Variants in AHCY observed in about 807,000 individuals in gnomAD.
AHCY encodes S-adenosyl-L-homocysteine hydrolase.
A neutral mutation model predicts 45.4 loss-of-function variants in AHCY; 24 were observed. That is an observed-to-expected ratio of 0.53 (90% CI 0.38 to 0.74). The LOEUF (loss-of-function observed/expected upper bound fraction) is 0.74. Among genes scored for constraint, AHCY ranks in the 30% least tolerant of loss-of-function variants. The pLI is 0.00. For missense variants in AHCY, 449 were observed against 594.1 expected (o/e 0.76, Z 2.54); for synonymous variants, 245 against 235.1 (o/e 1.04, Z -0.39).
chr20:34,297,394 T>G (rs1601676158), intron 1 of AHCY, among the ~76,000 whole-genome samples: 1 of 151,942 alleles, frequency 6.6e-6, no homozygotes, highest in Non-Finnish European at 1.5e-5. Context: ...CAGGTCCCGG[T>G]TCAAGCAATT....
chr20:34,269,245 G>A, the AHCY span: 24 of 1,421,866 alleles, frequency 1.7e-5, no homozygotes, highest in South Asian at 3.2e-4. Context: ...CCCTAACAGG[G>A]CGGCTTCCCA....
At chr20:34,304,880 G>A (rs532384272), upstream of AHCY, among the ~76,000 whole-genome samples, 2 of 151,840 alleles carry the variant, frequency 1.3e-5, no homozygotes, top group African/African-American at 4.8e-5. Flanking sequence ...TAGAGACGGG[G>A]TTTCTCCATA....
At position 34,295,660 on chromosome 20, in the gene AHCY, C is replaced by A; in HGVS notation, c.29-75G>T. The A allele has an allele frequency of 3.4e-6, 5 of 1,478,808 alleles. No homozygotes were observed. In the Admixed American group the frequency reaches 7.5e-5, roughly 22 times the overall value. The allele number at this position is 1,478,808 out of a possible 1,614,324, so 91.6% of individuals were successfully genotyped here. ...CCAAGAGGGGCGGTCACTGCATGGA[C>A]CCCGATCCACGTGTGGACTCAACAC... On this transcript the variant is annotated intron_variant, in intron 1 of 9. Transcript: ENST00000217426.
chr20:34,265,993 A>G, the AHCY span, among the ~76,000 whole-genome samples: 38,464 of 151,880 alleles, frequency 0.25, 8,102 homozygotes, highest in African/African-American at 0.58. Flanking sequence ...CATTGTTAGT[A>G]AATTCTGGGT....
downstream of AHCY, among the ~76,000 whole-genome samples, chr20:34,279,614 G>A (rs149960148): frequency 0.011 from 1,663 of 152,156 alleles, 13 homozygotes; most frequent in Non-Finnish European, 0.018. Flanking sequence ...ACATACACAC[G>A]TAACTTATGC....
chr20:34,240,904 T>G, the AHCY span, among the ~76,000 whole-genome samples: 1 of 152,150 alleles, frequency 6.6e-6, no homozygotes, highest in Non-Finnish European at 1.5e-5. Flanking sequence ...ACAAGACTTC[T>G]GGCAACCAGA....
At chr20:34,303,487 C>T (rs2036853035), upstream of AHCY, 6 of 721,300 alleles carry the variant, frequency 8.3e-6, no homozygotes, top group Admixed American at 7.8e-5. Context: ...CTCAGAATTT[C>T]ACAAGGCGTG....
rs1437574009 is a variant in AHCY at position 34,280,343 on chromosome 20, GA to G, written c.*690del. 6.6e-6 allele frequency: 1 copy of G among 152,122 alleles called. No individual in the cohort carries two copies. Among genetic ancestry groups the G allele is most frequent in the Non-Finnish European group, 1.5e-5 (1 of 68,144 alleles). 9.4% of individuals were successfully genotyped at this position (152,122 alleles called of 1,614,324 possible). On this transcript the variant is annotated 3_prime_UTR_variant, in exon 10 of 10. Coordinates refer to ENST00000217426, the MANE Select transcript of AHCY (RefSeq NM_000687.4). ...TTATAGGCCAAATTATTCTCTTTTTGACCCAGGGTTGTGAAAGGAACCATCT... is the reference window on the plus strand; with the variant it reads ...TTATAGGCCAAATTATTCTCTTTTTGCCCAGGGTTGTGAAAGGAACCATCT...
chr20:34,256,101 T>C, the AHCY span, among the ~76,000 whole-genome samples: 5 of 152,238 alleles, frequency 3.3e-5, no homozygotes, highest in Non-Finnish European at 5.9e-5. Context: ...TTAGTAAAAG[T>C]ACTAAAGTCT....
chr20:34,288,600 G>A lies in AHCY; in HGVS notation c.972+1732C>T, dbSNP rs148385378. Among the ~76,000 whole-genome samples the A allele has an allele frequency of 6.2e-3, 938 of 152,196 alleles. 6 individuals carry two copies. Among genetic ancestry groups the A allele is most frequent in the Middle Eastern group, 0.02 (6 of 294 alleles). On this transcript the variant is annotated intron_variant, in intron 8 of 9. Coordinates refer to ENST00000217426, the MANE Select transcript of AHCY (RefSeq NM_000687.4). ...GAGGATCAGCTCCTTCAGCCCAGGA[G>A]GTCAAGGCTGCAGTGTGCCATGATC... is the stretch of plus-strand genomic sequence containing the variant.
the AHCY span, among the ~76,000 whole-genome samples, chr20:34,234,658 C>T: frequency 2.6e-5 from 4 of 151,924 alleles, no homozygotes; most frequent in East Asian, 1.9e-4. Context: ...AAAAATTCGC[C>T]GGGCGTGGTG....
chr20:34,243,003 A>G, the AHCY span, among the ~76,000 whole-genome samples: 1 of 152,254 alleles, frequency 6.6e-6, no homozygotes, highest in Non-Finnish European at 1.5e-5. Context: ...AAAACAGCCT[A>G]AAGGGAATGA....
chr20:34,275,461 A>G (rs374700524), downstream of AHCY, among the ~76,000 whole-genome samples: 14 of 151,918 alleles, frequency 9.2e-5, 1 homozygote, highest in East Asian at 2.5e-3. Flanking sequence ...TTGTTTTTCT[A>G]TAACCTGGTG....
intron 9 of AHCY, chr20:34,281,527 T>TCCTAAACAGGGAAGGGTATC: frequency 2.8e-6 from 1 of 357,948 alleles, no homozygotes; most frequent in Non-Finnish European, 5.4e-6. Flanking sequence ...CCACTGGGAT[T>TCCTAAACAGGGAAGGGTATC]CCTAAACAGG....
chr20:34,301,447 G>A (rs1421861080), intron 1 of AHCY, among the ~76,000 whole-genome samples: 2 of 152,174 alleles, frequency 1.3e-5, no homozygotes, highest in Non-Finnish European at 1.5e-5. Flanking sequence ...AAAGTCACAG[G>A]AACACCTGTC....
chr20:34,303,794 G>C (rs1189792498), upstream of AHCY, among the ~76,000 whole-genome samples: 1 of 152,140 alleles, frequency 6.6e-6, no homozygotes, highest in African/African-American at 2.4e-5. Context: ...AGGAGTTCAA[G>C]ACCATCCTGG....
At chr20:34,245,349 A>AAG in the AHCY span, among the ~76,000 whole-genome samples, 11 of 150,726 alleles carry the variant, frequency 7.3e-5, no homozygotes, top group East Asian at 1.2e-3. Flanking sequence ...AAAAAAAAAA[A>AAG]AGAGAGAGAG....
chr20:34,302,921 G>A, intron 1 of AHCY: 1 of 985,482 alleles, frequency 1.0e-6, no homozygotes, highest in South Asian at 4.7e-5. Flanking sequence ...CCCGAGCAGG[G>A]TCCGGCAGGT....
the AHCY span, among the ~76,000 whole-genome samples, chr20:34,233,863 T>C: frequency 4.6e-5 from 7 of 152,280 alleles, no homozygotes; most frequent in South Asian, 1.5e-3. Context: ...ACCAGTGGAA[T>C]AGCTTGGAAG....
Sources: gnomAD v4.1 joint callset for allele counts (sites outside exome capture counted in the v4.1 genomes callset) on GRCh38, gnomAD v4.1.1 for gene constraint, MANE v1.5 for transcripts, NCBI Gene and HGNC (gene_info 2026-07-23, HGNC 2026-07-21) for gene names.